The following ADIPOR2 variants were observed in gnomAD, a reference collection of about 807,000 sequenced individuals.
ADIPOR2 encodes the protein adiponectin receptor 2.
Under a neutral mutation model 40.9 loss-of-function variants are expected in ADIPOR2, and 18 were observed. That is an observed-to-expected ratio of 0.44 (90% CI 0.30 to 0.65). The LOEUF (loss-of-function observed/expected upper bound fraction) is 0.65. Among genes scored for constraint, ADIPOR2 ranks in the 30% least tolerant of loss-of-function variants. The pLI, the probability that ADIPOR2 is intolerant of heterozygous loss-of-function variation, is 0.09. For missense variants in ADIPOR2, 283 were observed against 479.2 expected, an observed-to-expected ratio of 0.59 and a Z score of 3.82; for synonymous variants, 165 against 166.4, an observed-to-expected ratio of 0.99 and a Z score of 0.06.
At position 1,741,296 on chromosome 12, in the gene ADIPOR2, A is replaced by C. The variant is rs192669857; in HGVS notation, c.-86-12962A>C. ...AGAGGATAGGGAGGCCTGTTAGGGG[A>C]TTATCAAAGTATTGTAGGTCAGAGA... On this transcript the variant is annotated intron_variant, in intron 1 of 7. Coordinates refer to ENST00000357103, the MANE Select transcript of ADIPOR2 (RefSeq NM_024551.3). Among the ~76,000 whole-genome samples the C allele has an allele frequency of 2.6e-3, 394 of 152,216 alleles. 3 individuals carry two copies. Among genetic ancestry groups the C allele is most frequent in the South Asian group, 0.017 (83 of 4,818 alleles).
intron 2 of ADIPOR2, among the ~76,000 whole-genome samples, chr12:1,765,421 ATTT>A (rs1360814708): frequency 6.6e-6 from 1 of 152,168 alleles, no homozygotes; most frequent in Non-Finnish European, 1.5e-5. Flanking sequence ...CTGTTTCTTC[ATTT>A]ACCATGTTTG....
At chr12:1,770,979 T>C (rs1862482521) in intron 2 of ADIPOR2, among the ~76,000 whole-genome samples, 1 of 152,122 alleles carries the variant, frequency 6.6e-6, no homozygotes, top group South Asian at 2.1e-4. Context: ...CCACAGTACA[T>C]AGATAGTATA....
At chr12:1,784,694 T>C (rs1862793444) in intron 7 of ADIPOR2, among the ~76,000 whole-genome samples, 1 of 152,066 alleles carries the variant, frequency 6.6e-6, no homozygotes, top group South Asian at 2.1e-4. Context: ...TTGAACTGGA[T>C]TGTGGTCATT....
intron 1 of ADIPOR2, among the ~76,000 whole-genome samples, chr12:1,711,635 TCTCTCTTTCTC>T (rs1163947782): frequency 7.7e-5 from 11 of 142,220 alleles, no homozygotes; most frequent in African/African-American, 3.3e-4. Flanking sequence ...TCTCTCTCTC[TCTCTCTTTCTC>T]TCTTTCTGAC....
chr12:1,769,665 C>A (rs2154444072), intron 2 of ADIPOR2, among the ~76,000 whole-genome samples: 1 of 151,820 alleles, frequency 6.6e-6, no homozygotes. Flanking sequence ...CTCAAGCCTG[C>A]TGAGTATCTG....
Position 1,754,353 on chromosome 12 carries a change from C to A in ADIPOR2, c.10C>A (p.Pro4Thr). MNE[P>T]TENRLGCSRT... is the part of the protein sequence containing the mutation. ...AAGGCTTGGGTATCCCATGAACGAG[C>A]CAACAGAAAACCGATTGGGGTGCAG... Residue 4 changes from proline (P) to threonine (T), a missense_variant, in exon 2 of 8, where the codon CCA (proline) becomes ACA (threonine). This residue lies in a region of ADIPOR2 where 65 missense variants were observed against 79.9 expected (regional missense o/e 0.81). Coordinates refer to ENST00000357103, the MANE Select transcript of ADIPOR2 (RefSeq NM_024551.3). 6.2e-7 allele frequency: 1 copy of A among 1,604,528 alleles called. No homozygotes were observed. The highest frequency in any genetic ancestry group is 8.5e-7 in the Non-Finnish European group (1 of 1,176,012).
At chr12:1,740,832 A>G (rs1485368897) in intron 1 of ADIPOR2, among the ~76,000 whole-genome samples, 2 of 152,198 alleles carry the variant, frequency 1.3e-5, no homozygotes, top group African/African-American at 4.8e-5. Flanking sequence ...CAGATAATTA[A>G]TAGGAAAATA....
At chr12:1,697,238 A>C (rs1341299592) in intron 1 of ADIPOR2, 1 of 152,126 alleles carries the variant, frequency 6.6e-6, no homozygotes, top group Non-Finnish European at 1.5e-5. Context: ...AAAGTTAAAC[A>C]CTGTGAGTTT....
intron 1 of ADIPOR2, among the ~76,000 whole-genome samples, chr12:1,695,472 G>A (rs1467223099): frequency 5.3e-5 from 8 of 151,624 alleles, no homozygotes; most frequent in African/African-American, 1.9e-4. Context: ...TGGCCAACAT[G>A]AATGAAACCC....
chr12:1,755,530 T>C (rs1862107651), intron 2 of ADIPOR2, among the ~76,000 whole-genome samples: 1 of 152,236 alleles, frequency 6.6e-6, no homozygotes, highest in African/African-American at 2.4e-5. Context: ...AGAGCTACTT[T>C]TCCAGAAATT....
chr12:1,693,594 C>T (rs1453801463), intron 1 of ADIPOR2, among the ~76,000 whole-genome samples: 3 of 151,040 alleles, frequency 2.0e-5, no homozygotes, highest in Non-Finnish European at 4.4e-5. Flanking sequence ...AGTGCAATGG[C>T]ACGATCTTGG....
chr12:1,729,477 A>T (rs1415464774), intron 1 of ADIPOR2, among the ~76,000 whole-genome samples: 1 of 151,336 alleles, frequency 6.6e-6, no homozygotes, highest in East Asian at 1.9e-4. Context: ...ACAATTTTTT[A>T]AATTTATTTT....
At position 1,728,958 on chromosome 12, in the gene ADIPOR2, G is replaced by GTTT. The variant is rs66842156; in HGVS notation, c.-86-25279_-86-25277dup. 8.8e-4 allele frequency among the ~76,000 whole-genome samples: 97 copies of GTTT among 109,976 alleles called. 2 individuals are homozygous for GTTT. In the East Asian group the frequency reaches 0.013, roughly 15 times the overall value. The allele number at this position is 109,976 out of a possible 152,430, so 72.1% of individuals were successfully genotyped here. On this transcript the variant is annotated intron_variant, in intron 1 of 7. Coordinates refer to ENST00000357103, the MANE Select transcript of ADIPOR2 (RefSeq NM_024551.3). ...CAAATACTTTTCCTAGTTCTGGACT[G>GTTT]TTTTTTTTTTTTTTTTTTTTTTTAA... is the stretch of plus-strand genomic sequence containing the variant.
rs767695374 is a variant in ADIPOR2, at chr12:1,754,699, T to TTATTAC, written c.171+187_171+188insTTACTA. On this transcript the variant is annotated intron_variant, in intron 2 of 7. Transcript: ENST00000357103. ...AAGTCTCTTATCTTTATTATTATTA[T>TTATTAC]TACTACTACTACTACTACTACTACT... is the stretch of plus-strand genomic sequence containing the variant. Among the ~76,000 whole-genome samples the TTATTAC allele has an allele frequency of 4.4e-3, 453 of 103,568 alleles. 5 individuals are homozygous for TTATTAC. The highest frequency in any genetic ancestry group is 0.038 in the Admixed American group (322 of 8,488). The allele number at this position is 103,568 out of a possible 152,430, so 67.9% of individuals were successfully genotyped here.
intron 1 of ADIPOR2, among the ~76,000 whole-genome samples, chr12:1,752,321 C>A (rs1185143984): frequency 1.4e-5 from 2 of 138,934 alleles, no homozygotes; most frequent in Admixed American, 1.5e-4. Context: ...GCAAACTCCC[C>A]CTCCCAGGCT....
chr12:1,774,212 G>A (rs12829901), intron 3 of ADIPOR2, among the ~76,000 whole-genome samples: 1,745 of 152,308 alleles, frequency 0.011, 24 homozygotes, highest in Non-Finnish European at 0.018. Flanking sequence ...AGAGATCAGC[G>A]GGGTACGGTA....
intron 1 of ADIPOR2, among the ~76,000 whole-genome samples, chr12:1,691,807 GC>G (rs1380969520): frequency 1.3e-5 from 2 of 152,128 alleles, no homozygotes; most frequent in Non-Finnish European, 2.9e-5. Context: ...TTTTTAGGGG[GC>G]TCGGAGAGAG....
chr12:1,748,549 G>A (rs1160514908), intron 1 of ADIPOR2, among the ~76,000 whole-genome samples: 1 of 151,930 alleles, frequency 6.6e-6, no homozygotes. Context: ...TGCCTGGCCT[G>A]CGTTTTACAT....
At chr12:1,719,663 T>G (rs2094693997) in intron 1 of ADIPOR2, among the ~76,000 whole-genome samples, 1 of 151,146 alleles carries the variant, frequency 6.6e-6, no homozygotes, top group African/African-American at 2.4e-5. Flanking sequence ...TCAGCAGAAG[T>G]TTTTTTTTGT....
Sources: gnomAD v4.1 joint callset for allele counts (sites outside exome capture counted in the v4.1 genomes callset) on GRCh38, gnomAD v4.1.1 for gene constraint, gnomAD v4.1.1 regional missense constraint, MANE v1.5 for transcripts, NCBI Gene and HGNC (gene_info 2026-07-23, HGNC 2026-07-21) for gene names.